Variants in ARHGEF4 observed in about 807,000 individuals in gnomAD.
ARHGEF4 encodes the protein Rho guanine nucleotide exchange factor 4.
ARHGEF4 carries 119 observed loss-of-function variants against 162.0 expected under a neutral mutation model. That is an observed-to-expected ratio of 0.73 (90% CI 0.63 to 0.86). The LOEUF (loss-of-function observed/expected upper bound fraction) is 0.86. Ranked by LOEUF, ARHGEF4 falls within the 40% of genes least tolerant of loss-of-function variation. The pLI is 0.00. For synonymous variants in ARHGEF4, 1,014 were observed against 979.9 expected (o/e 1.03, Z -0.65); for missense variants, 2,488 against 2,456.0 (o/e 1.01, Z -0.28).
At chr2:130,866,906 A>G (rs1427694373) in intron 1 of ARHGEF4, among the ~76,000 whole-genome samples, 1 of 152,096 alleles carries the variant, frequency 6.6e-6, no homozygotes, top group Non-Finnish European at 1.5e-5. Context: ...TGTTCTCTCT[A>G]CTTCTGTTTT....
At chr2:131,025,200 C>T (rs1471167806) in intron 4 of ARHGEF4, among the ~76,000 whole-genome samples, 2 of 152,182 alleles carry the variant, frequency 1.3e-5, no homozygotes, top group African/African-American at 4.8e-5. Flanking sequence ...GAAGGGGAAG[C>T]AAGTACCTTC....
intron 3 of ARHGEF4, among the ~76,000 whole-genome samples, chr2:130,934,348 T>C (rs774359787): frequency 3.3e-5 from 5 of 152,226 alleles, no homozygotes; most frequent in Admixed American, 6.5e-5. Context: ...CTCTTCTATT[T>C]TTTGAAAGCA....
intron 4 of ARHGEF4, among the ~76,000 whole-genome samples, chr2:131,004,584 G>A (rs900955194): frequency 9.2e-5 from 14 of 152,026 alleles, no homozygotes; most frequent in African/African-American, 1.7e-4. Context: ...GGCAGAGTGC[G>A]GCCCTCCTTG....
At position 130,836,939 on chromosome 2, in the gene ARHGEF4, G is replaced by T; in HGVS notation, c.-15G>T. ...GTAGTGCTGCGGCCGGGCTCCGGGC[G>T]TCCCGGCGGCCACCATGCTCAGCGT... On this transcript the variant is annotated 5_prime_UTR_variant, in exon 1 of 14. Transcript: ENST00000409359. 1 of 1,224,098 alleles carries T rather than the reference G, an allele frequency of 8.2e-7. No individual in the cohort carries two copies. Among genetic ancestry groups the T allele is most frequent in the Non-Finnish European group, 1.0e-6 (1 of 983,228 alleles). 75.8% of individuals were successfully genotyped at this position (1,224,098 alleles called of 1,614,324 possible). A position where few individuals can be genotyped will look rare whatever the true frequency, so the allele number is the denominator to read the frequency against.
chr2:130,956,024 C>T (rs1033373964), intron 4 of ARHGEF4, among the ~76,000 whole-genome samples: 1 of 152,244 alleles, frequency 6.6e-6, no homozygotes, highest in South Asian at 2.1e-4. Flanking sequence ...AGCTCAAGCT[C>T]TGTGGAGCCC....
chr2:130,997,582 G>C (rs992422163), intron 4 of ARHGEF4, among the ~76,000 whole-genome samples: 3 of 152,162 alleles, frequency 2.0e-5, no homozygotes, highest in Non-Finnish European at 4.4e-5. Context: ...TAGAGTGTGC[G>C]CCGCGGATTT....
intron 4 of ARHGEF4, among the ~76,000 whole-genome samples, chr2:131,016,754 T>C (rs1240220698): frequency 6.6e-6 from 1 of 152,224 alleles, no homozygotes; most frequent in East Asian, 1.9e-4. Flanking sequence ...CTCAAGGATT[T>C]GCATCTCTAC....
At chr2:131,031,277 CA>C (rs1689831025) in intron 5 of ARHGEF4, among the ~76,000 whole-genome samples, 1 of 152,236 alleles carries the variant, frequency 6.6e-6, no homozygotes, top group African/African-American at 2.4e-5. Flanking sequence ...ATTTCCTAAG[CA>C]GAACGAATGC....
intron 4 of ARHGEF4, among the ~76,000 whole-genome samples, chr2:130,992,429 G>A (rs536468086): frequency 2.8e-4 from 42 of 152,152 alleles, no homozygotes; most frequent in African/African-American, 9.9e-4. Context: ...TGAAGCCAGC[G>A]AGACCACGAG....
In ARHGEF4 at chr2:131,044,428, C is replaced by T. The variant is rs866540626; in HGVS notation, c.5287C>T (p.Arg1763Cys). Residue 1763 changes from arginine (R) to cysteine (C), a missense_variant, in exon 12 of 14, where the codon CGT becomes TGT. Physicochemically the swap from Arg to Cys is radical, Grantham distance 180. Transcript: ENST00000409359. ...VSIKNAFRLH[R>C]GATGDSHLLC... ...CATCAAGAACGCCTTCCGGCTGCAC[C>T]GTGGCGCCACAGGGGACAGCCACCT... is the stretch of plus-strand genomic sequence containing the variant. The T allele has an allele frequency of 5.1e-6, 8 of 1,565,672 alleles. No homozygotes were observed. The Admixed American group carries it at 5.6e-5, about 11-fold the overall frequency.
At chr2:130,970,573 G>C (rs1437110982) in intron 4 of ARHGEF4, among the ~76,000 whole-genome samples, 1 of 125,238 alleles carries the variant, frequency 8.0e-6, no homozygotes, top group Non-Finnish European at 1.6e-5. Context: ...TGGGCAACAA[G>C]AGTGAAACTC....
Position 131,040,009 on chromosome 2 carries a change from C to T in ARHGEF4, c.4306-7C>T. On this transcript the variant is annotated splice_region_variant and splice_polypyrimidine_tract_variant and intron_variant, in intron 6 of 13. Transcript: ENST00000409359. ...CGGGGCACTGACCGGCCACGCATGG[C>T]CTGCAGCTGAGGGTGAATCAGGACG... 4 of 1,554,022 alleles carry T rather than the reference C, an allele frequency of 2.6e-6. No homozygotes were observed. Among genetic ancestry groups the T allele is most frequent in the Non-Finnish European group, 3.5e-6 (4 of 1,149,854 alleles).
chr2:131,046,979 G>A lies in ARHGEF4; in HGVS notation c.*790G>A, dbSNP rs932461305. 1.3e-5 allele frequency: 2 copies of A among 152,762 alleles called. No homozygotes were observed. Among genetic ancestry groups the A allele is most frequent in the East Asian group, 1.9e-4 (1 of 5,186 alleles). The allele number at this position is 152,762 out of a possible 1,614,324, so 9.5% of individuals were successfully genotyped here. ...AATGGAGAAAAAGAATTGATTCTTA[G>A]TGACACAGAAGATTGCCTTACGCTC... On this transcript the variant is annotated 3_prime_UTR_variant, in exon 14 of 14. Coordinates refer to ENST00000409359, the MANE Select transcript of ARHGEF4 (RefSeq NM_001367493.1).
chr2:130,928,656 TC>T (rs1224872010), intron 2 of ARHGEF4, among the ~76,000 whole-genome samples: 15 of 152,336 alleles, frequency 9.8e-5, no homozygotes, highest in African/African-American at 3.6e-4. Context: ...CATCTGCATT[TC>T]TTTAGATAGC....
chr2:130,914,596 G>T lies in ARHGEF4; in HGVS notation c.650G>T (p.Arg217Met). The T allele has an allele frequency of 7.2e-7, 1 of 1,393,048 alleles. No homozygotes were observed. Among genetic ancestry groups the T allele is most frequent in the South Asian group, 1.8e-5 (1 of 54,800 alleles). 86.3% of individuals were successfully genotyped at this position (1,393,048 alleles called of 1,614,324 possible). The change falls in exon 2 of 14, where the codon AGG (arginine) becomes ATG (methionine). Residue 217 changes from arginine (R) to methionine (M), a missense_variant. Coordinates refer to ENST00000409359, the MANE Select transcript of ARHGEF4 (RefSeq NM_001367493.1). The stretch of plus-strand genomic sequence containing the variant: ...TCCAGTGTTTCTCTTCAGAAATCCA[G>T]GTCTGAGAGCTATCTGGGCATCCCA... ...GLSSVSLQKSRSESYLGIPVV... is the reference protein window; with the variant it reads ...GLSSVSLQKSMSESYLGIPVV...
chr2:130,948,092 G>C lies in ARHGEF4; in HGVS notation c.3985+1457G>C, dbSNP rs148158787. Among the ~76,000 whole-genome samples the C allele has an allele frequency of 2.1e-3, 326 of 152,370 alleles. 2 individuals are homozygous for C. The highest frequency in any genetic ancestry group is 0.014 in the South Asian group (69 of 4,832). On this transcript the variant is annotated intron_variant, in intron 4 of 13. Coordinates refer to ENST00000409359, the MANE Select transcript of ARHGEF4 (RefSeq NM_001367493.1). Reference sequence around the variant, plus strand: ...ACCCATAGAAAGCCAGTGTGGTGAGGCAGAGGATGACGGTGCATGATGGTT... The same window carrying C: ...ACCCATAGAAAGCCAGTGTGGTGAGCCAGAGGATGACGGTGCATGATGGTT...
At chr2:130,957,248 C>CTT (rs71398520) in intron 4 of ARHGEF4, among the ~76,000 whole-genome samples, 16 of 143,926 alleles carry the variant, frequency 1.1e-4, no homozygotes, top group South Asian at 8.8e-4. Flanking sequence ...CCAACTCATT[C>CTT]TTTTTTTTTT....
intron 1 of ARHGEF4, among the ~76,000 whole-genome samples, chr2:130,854,836 G>A (rs1310982979): frequency 8.2e-5 from 12 of 146,622 alleles, no homozygotes; most frequent in Non-Finnish European, 1.7e-4. Flanking sequence ...CTTTGCTGGA[G>A]GAGTCTGACT....
At chr2:130,940,831 CAA>C (rs1196586339) in intron 3 of ARHGEF4, among the ~76,000 whole-genome samples, 4 of 43,432 alleles carry the variant, frequency 9.2e-5, no homozygotes, top group Non-Finnish European at 1.4e-4. Context: ...GACTCCGTCT[CAA>C]AAAAAAAAAA....
Sources: allele counts gnomAD v4.1 joint callset (sites outside exome capture counted in the v4.1 genomes callset), GRCh38; gene constraint gnomAD v4.1.1; transcripts MANE v1.5; gene names NCBI Gene and HGNC (gene_info 2026-07-23, HGNC 2026-07-21).